The following PRKD1 variants were observed in gnomAD, a reference collection of about 807,000 sequenced individuals.
PRKD1 encodes the protein protein kinase D1.
PRKD1 carries 63 observed loss-of-function variants against 95.9 expected under a neutral mutation model. The ratio of observed to expected loss-of-function variants is 0.66; its 90% CI spans 0.54 to 0.81. The LOEUF (loss-of-function observed/expected upper bound fraction) is 0.81, where lower values mean the gene tolerates loss of function less well. PRKD1 is among the 30% of genes least tolerant of loss of function. PRKD1 has a pLI of 0.00. For synonymous variants in PRKD1, 425 were observed against 423.1 expected, an observed-to-expected ratio of 1.00 and a Z score of -0.05; for missense variants, 1,048 against 1,165.3, an observed-to-expected ratio of 0.90 and a Z score of 1.47.
intron 4 of PRKD1, among the ~76,000 whole-genome samples, chr14:29,658,199 A>G (rs1243860452): frequency 6.6e-6 from 1 of 152,172 alleles, no homozygotes; most frequent in Non-Finnish European, 1.5e-5. Context: ...GGCCGTCGTC[A>G]CAATTCAACT....
chr14:29,753,438 A>T (rs1887567042), intron 1 of PRKD1, among the ~76,000 whole-genome samples: 1 of 152,066 alleles, frequency 6.6e-6, no homozygotes, highest in Non-Finnish European at 1.5e-5. Flanking sequence ...GTTTTTTCAC[A>T]CAGTATTCTT....
intron 1 of PRKD1, among the ~76,000 whole-genome samples, chr14:29,924,154 A>G (rs1254255480): frequency 2.0e-5 from 3 of 152,238 alleles, no homozygotes; most frequent in African/African-American, 7.2e-5. Flanking sequence ...ACTTTCTAAA[A>G]AGAAAGAATA....
chr14:29,686,290 G>A (rs1401434286), intron 2 of PRKD1, among the ~76,000 whole-genome samples: 2 of 152,142 alleles, frequency 1.3e-5, no homozygotes, highest in African/African-American at 4.8e-5. Context: ...CGAGCACCAG[G>A]ATCCTCAAAC....
intron 1 of PRKD1, among the ~76,000 whole-genome samples, chr14:29,818,750 T>TATTG (rs1890793823): frequency 6.6e-6 from 1 of 152,246 alleles, no homozygotes; most frequent in African/African-American, 2.4e-5. Flanking sequence ...ATTTACAAAA[T>TATTG]ATTGGCATAT....
At chr14:29,806,201 T>C (rs1472065826) in intron 1 of PRKD1, among the ~76,000 whole-genome samples, 1 of 152,220 alleles carries the variant, frequency 6.6e-6, no homozygotes, top group African/African-American at 2.4e-5. Flanking sequence ...CTACGTTAAA[T>C]ATGCAATTTA....
chr14:29,682,388 A>T (rs1883587811), intron 2 of PRKD1, among the ~76,000 whole-genome samples: 1 of 152,202 alleles, frequency 6.6e-6, no homozygotes, highest in Non-Finnish European at 1.5e-5. Flanking sequence ...CCTCCCTACT[A>T]CTTACAGTAT....
chr14:29,904,964 G>A (rs1894445086), intron 1 of PRKD1, among the ~76,000 whole-genome samples: 1 of 152,120 alleles, frequency 6.6e-6, no homozygotes, highest in African/African-American at 2.4e-5. Flanking sequence ...GGGAATACGT[G>A]GTCACTTTTT....
intron 4 of PRKD1, among the ~76,000 whole-genome samples, chr14:29,651,073 GCTGTGTGTGT>G (rs1881463691): frequency 6.6e-6 from 1 of 152,094 alleles, no homozygotes; most frequent in South Asian, 2.1e-4. Context: ...AACATGTAGC[GCTGTGTGTGT>G]CTGTGTGTAC....
intron 1 of PRKD1, among the ~76,000 whole-genome samples, chr14:29,885,567 C>T (rs1158045526): frequency 6.6e-6 from 1 of 151,734 alleles, no homozygotes; most frequent in African/African-American, 2.4e-5. Context: ...TAAAAAAAAA[C>T]TAAAACAAAA....
chr14:29,666,821 G>A (rs749151856), intron 2 of PRKD1, among the ~76,000 whole-genome samples: 1 of 152,048 alleles, frequency 6.6e-6, no homozygotes, highest in African/African-American at 2.4e-5. Context: ...CAAAGAGAGG[G>A]ATTTAATACA....
chr14:29,706,538 C>A (rs1403755333), intron 2 of PRKD1, among the ~76,000 whole-genome samples: 7 of 152,088 alleles, frequency 4.6e-5, no homozygotes, highest in Non-Finnish European at 1.0e-4. Flanking sequence ...GTGCCCATGA[C>A]AACAATCAGC....
intron 1 of PRKD1, 140 bp from the exon 2 acceptor site, chr14:29,725,814 T>C: frequency 2.4e-6 from 2 of 834,210 alleles, no homozygotes; most frequent in Non-Finnish European, 1.7e-6. Flanking sequence ...AATTAAAAAA[T>C]AAATAAATGG....
chr14:29,819,811 G>A (rs1458394752), intron 1 of PRKD1, among the ~76,000 whole-genome samples: 2 of 152,158 alleles, frequency 1.3e-5, no homozygotes, highest in African/African-American at 4.8e-5. Context: ...TTTATTGTTG[G>A]CAAATTTTCT....
intron 1 of PRKD1, among the ~76,000 whole-genome samples, chr14:29,786,857 T>C (rs1594518388): frequency 6.6e-6 from 1 of 152,244 alleles, no homozygotes; most frequent in East Asian, 1.9e-4. Context: ...TCTTTATTTC[T>C]TTCCTTCAAC....
intron 1 of PRKD1, among the ~76,000 whole-genome samples, chr14:29,790,007 CT>C (rs34880091): frequency 0.1 from 9,819 of 97,268 alleles, 190 homozygotes; most frequent in East Asian, 0.24. Context: ...AGCAAGTTGT[CT>C]TTTTTTTTTT....
chr14:29,888,480 A>G (rs993358187), intron 1 of PRKD1, among the ~76,000 whole-genome samples: 1 of 152,236 alleles, frequency 6.6e-6, no homozygotes, highest in African/African-American at 2.4e-5. Context: ...GAAACACTGT[A>G]TGCTTGAAAC....
At chr14:29,592,172 A>G (rs1409326855) in intron 16 of PRKD1, among the ~76,000 whole-genome samples, 1 of 152,136 alleles carries the variant, frequency 6.6e-6, no homozygotes, top group African/African-American at 2.4e-5. Flanking sequence ...ACTGATGGGT[A>G]GCGAGGGATA....
At chr14:29,858,854 A>G (rs1210236764) in intron 1 of PRKD1, among the ~76,000 whole-genome samples, 5 of 152,120 alleles carry the variant, frequency 3.3e-5, no homozygotes, top group Non-Finnish European at 4.4e-5. Flanking sequence ...ATTTAGAAAA[A>G]ATGCTGGGAG....
chr14:29,611,096 C>T (rs900343742), intron 13 of PRKD1, among the ~76,000 whole-genome samples: 6 of 152,136 alleles, frequency 3.9e-5, no homozygotes, highest in Non-Finnish European at 8.8e-5. Context: ...TTTGTCCAAA[C>T]CCATGGAATA....
Sources: gnomAD v4.1 joint callset for allele counts (sites outside exome capture counted in the v4.1 genomes callset) on GRCh38, gnomAD v4.1.1 for gene constraint, MANE v1.5 for transcripts, NCBI Gene and HGNC (gene_info 2026-07-23, HGNC 2026-07-21) for gene names.